PDE10A: variants seen among roughly 807,000 people sequenced by gnomAD.
The protein encoded by PDE10A is phosphodiesterase 10A, also known as cAMP and cAMP-inhibited cGMP 3',5'-cyclic phosphodiesterase 10A.
In PDE10A, 39 loss-of-function variants were observed where a neutral mutation model predicts 97.7. The observed-to-expected ratio is 0.40, with a 90% CI of 0.31 to 0.52. The LOEUF (loss-of-function observed/expected upper bound fraction) is 0.52, where lower values mean the gene tolerates loss of function less well. Ranked by LOEUF, PDE10A falls within the 20% of genes least tolerant of loss-of-function variation. PDE10A has a pLI of 0.56. For missense variants in PDE10A, 731 were observed against 1,047.8 expected (o/e 0.70, Z 4.17); for synonymous variants, 371 against 376.8 (o/e 0.98, Z 0.18).
At chr6:165,592,432 A>G (rs1262396390) in intron 1 of PDE10A, among the ~76,000 whole-genome samples, 1 of 152,254 alleles carries the variant, frequency 6.6e-6, no homozygotes, top group Non-Finnish European at 1.5e-5. Context: ...AATGGCAATA[A>G]AAGCCAAAAT....
chr6:165,528,389 G>A (rs1339356344), intron 2 of PDE10A, among the ~76,000 whole-genome samples: 1 of 152,198 alleles, frequency 6.6e-6, no homozygotes, highest in African/African-American at 2.4e-5. Context: ...TGGCAGGGAT[G>A]GAGGTTACGC....
chr6:165,357,912 G>A (rs1435869473), intron 18 of PDE10A, among the ~76,000 whole-genome samples: 1 of 151,854 alleles, frequency 6.6e-6, no homozygotes, highest in African/African-American at 2.4e-5. Context: ...TTTTCTAGCT[G>A]CTTAAGGATT....
At chr6:165,644,937 T>TA (rs1191937936) in intron 1 of PDE10A, among the ~76,000 whole-genome samples, 1 of 152,198 alleles carries the variant, frequency 6.6e-6, no homozygotes, top group East Asian at 1.9e-4. Context: ...GAGTGCTTTT[T>TA]AAAAAATCAT....
At chr6:165,369,422 C>T (rs1002638885) in intron 18 of PDE10A, among the ~76,000 whole-genome samples, 1 of 151,322 alleles carries the variant, frequency 6.6e-6, no homozygotes, top group Non-Finnish European at 1.5e-5. Flanking sequence ...TCAAGAACTA[C>T]GTGAAGAATG....
intron 1 of PDE10A, among the ~76,000 whole-genome samples, chr6:165,658,577 A>T (rs1481713922): frequency 1.3e-5 from 2 of 152,200 alleles, no homozygotes; most frequent in Non-Finnish European, 2.9e-5. Flanking sequence ...CACGCCCTGC[A>T]GCCGTGTTAC....
intron 1 of PDE10A, among the ~76,000 whole-genome samples, chr6:165,875,731 G>GT (rs748111095): frequency 0.047 from 2,183 of 46,876 alleles, 33 homozygotes; most frequent in Admixed American, 0.063. Flanking sequence ...TTCTTTTACT[G>GT]TTTTTTTTTT....
chr6:165,646,083 G>C (rs896850227), intron 1 of PDE10A, among the ~76,000 whole-genome samples: 1 of 152,130 alleles, frequency 6.6e-6, no homozygotes, highest in Non-Finnish European at 1.5e-5. Flanking sequence ...GGGCCAGCCT[G>C]GCACAGACCA....
chr6:165,357,314 A>G (rs937137501), intron 18 of PDE10A, among the ~76,000 whole-genome samples: 2 of 152,122 alleles, frequency 1.3e-5, no homozygotes, highest in African/African-American at 4.8e-5. Context: ...TATGGTCATG[A>G]GTTTTATAGT....
At chr6:165,528,710 T>C (rs923909968) in intron 2 of PDE10A, among the ~76,000 whole-genome samples, 1 of 152,234 alleles carries the variant, frequency 6.6e-6, no homozygotes, top group Admixed American at 6.5e-5. Flanking sequence ...ACTCACTTTA[T>C]GGCTAAAGTA....
At chr6:165,356,009 G>A (rs1047407840) in intron 18 of PDE10A, among the ~76,000 whole-genome samples, 18 of 152,136 alleles carry the variant, frequency 1.2e-4, no homozygotes, top group Non-Finnish European at 1.5e-4. Flanking sequence ...TGGCGAAGGT[G>A]AAAGGGAAGC....
At chr6:165,533,377 A>C (rs1357099249) in intron 2 of PDE10A, among the ~76,000 whole-genome samples, 1 of 152,150 alleles carries the variant, frequency 6.6e-6, no homozygotes, top group African/African-American at 2.4e-5. Flanking sequence ...GGTATAGTCT[A>C]TCTCTCCCAG....
In PDE10A at chr6:165,810,658, C is replaced by T. The variant is rs373504103; in HGVS notation, c.-615+176871G>A. 7.9e-5 allele frequency among the ~76,000 whole-genome samples: 12 copies of T among 152,194 alleles called. No individual in the cohort carries two copies. The East Asian group carries it at 1.9e-3, about 25-fold the overall frequency. On this transcript the variant is annotated intron_variant, in intron 1 of 19. Coordinates refer to the PDE10A transcript ENST00000366882. The stretch of plus-strand genomic sequence containing the variant: ...GTCACTTGGCAGAGGTTCAGCCTAC[C>T]CTACAAGCCTCCTCTTCCCCTACCT...
intron 1 of PDE10A, among the ~76,000 whole-genome samples, chr6:165,614,218 C>T (rs1447555683): frequency 6.6e-6 from 1 of 152,174 alleles, no homozygotes; most frequent in Non-Finnish European, 1.5e-5. Flanking sequence ...TTCTAACGGC[C>T]AAAGTAATCC....
intron 1 of PDE10A, among the ~76,000 whole-genome samples, chr6:165,703,334 G>A (rs144627137): frequency 2.6e-5 from 4 of 152,282 alleles, no homozygotes; most frequent in East Asian, 1.9e-4. Flanking sequence ...CTTTCATATA[G>A]AGAGTGGGAA....
At position 165,628,194 on chromosome 6, in the gene PDE10A, T is replaced by C. The variant is rs190298269; in HGVS notation, c.865+33753A>G. Among the ~76,000 whole-genome samples, 14 of 152,328 alleles carry C rather than the reference T, an allele frequency of 9.2e-5. No individual in the cohort carries two copies. The East Asian group carries it at 2.7e-3, about 29-fold the overall frequency. ...CGGTGTGCACTCAGGCCAATCTACTTAATTTCTCTGACATGTATTTTCTTA... is the reference window on the plus strand; with the variant it reads ...CGGTGTGCACTCAGGCCAATCTACTCAATTTCTCTGACATGTATTTTCTTA... On this transcript the variant is annotated intron_variant, in intron 1 of 21. Coordinates refer to ENST00000539869, the MANE Select transcript of PDE10A (RefSeq NM_001385079.1).
rs68159417 is a variant in PDE10A, at chr6:165,881,392, C to CT, written c.-615+106136dup. 7.8e-3 allele frequency among the ~76,000 whole-genome samples: 834 copies of CT among 106,906 alleles called. 13 individuals carry two copies. The highest frequency in any genetic ancestry group is 0.017 in the African/African-American group (434 of 24,982). The allele number at this position is 106,906 out of a possible 152,430, so 70.1% of individuals were successfully genotyped here. On this transcript the variant is annotated intron_variant, in intron 1 of 19. Transcript: ENST00000366882. ...AGCAATTTCTTTTCTTTTTTCTTTTCTTTTTTTTTTTTTTTTTTTTTTGAG... is the reference window on the plus strand; with the variant it reads ...AGCAATTTCTTTTCTTTTTTCTTTTCTTTTTTTTTTTTTTTTTTTTTTTGAG...
At chr6:165,357,747 T>G (rs892090077) in intron 18 of PDE10A, among the ~76,000 whole-genome samples, 1 of 151,932 alleles carries the variant, frequency 6.6e-6, no homozygotes, top group African/African-American at 2.4e-5. Flanking sequence ...ATATTTTCTT[T>G]TTTTTCCTTA....
chr6:165,433,258 AATG>A (rs1789730872), intron 6 of PDE10A, 129 bp from the exon 7 acceptor site: 1 of 622,136 alleles, frequency 1.6e-6, no homozygotes, highest in Middle Eastern at 4.3e-4. Context: ...AGGAAAACTA[AATG>A]ATGATAGCCA....
At chr6:165,727,201 G>C (rs745393875) in intron 1 of PDE10A, among the ~76,000 whole-genome samples, 9 of 152,220 alleles carry the variant, frequency 5.9e-5, no homozygotes, top group Non-Finnish European at 1.3e-4. Context: ...CACGTGCTTA[G>C]TGACTCAGGA....
Sources: gnomAD v4.1 joint callset for allele counts (sites outside exome capture counted in the v4.1 genomes callset) on GRCh38, gnomAD v4.1.1 for gene constraint, MANE v1.5 for transcripts, NCBI Gene and HGNC (gene_info 2026-07-23, HGNC 2026-07-21) for gene names.